SOX6: variants seen among roughly 807,000 people sequenced by gnomAD.
SOX6 encodes the protein SRY-box transcription factor 6.
SOX6 carries 11 observed loss-of-function variants against 97.8 expected under a neutral mutation model. The observed-to-expected ratio is 0.11, with a 90% CI of 0.07 to 0.19. The LOEUF is 0.19. Among genes scored for constraint, SOX6 ranks in the 10% least tolerant of loss-of-function variants. The pLI is 1.00. For synonymous variants in SOX6, 360 were observed against 371.4 expected, an observed-to-expected ratio of 0.97 and a Z score of 0.35; for missense variants, 810 against 1,039.5, an observed-to-expected ratio of 0.78 and a Z score of 3.04.
In SOX6 at chr11:16,560,601, G is replaced by GTTTATACGTACATA. The variant is rs1565180739; in HGVS notation, n.609+51479_609+51480insTATGTACGTATAAA. 5.2e-4 allele frequency among the ~76,000 whole-genome samples: 22 copies of GTTTATACGTACATA among 41,924 alleles called. 4 individuals are homozygous for GTTTATACGTACATA. Among genetic ancestry groups the GTTTATACGTACATA allele is most frequent in the East Asian group, 1.2e-3 (2 of 1,708 alleles). 27.5% of individuals were successfully genotyped at this position (41,924 alleles called of 152,430 possible). A position where few individuals can be genotyped will look rare whatever the true frequency, so the allele number is the denominator to read the frequency against. On this transcript the variant is annotated intron_variant and non_coding_transcript_variant, in intron 4 of 5. Coordinates refer to the SOX6 transcript ENST00000524520. ...CGTACATATATGTTTATACGTACAT[G>GTTTATACGTACATA]TATGTTTATACGTACATATATGTTT...
intron 3 of SOX6, among the ~76,000 whole-genome samples, chr11:16,285,637 G>T (rs1207089923): frequency 6.6e-6 from 1 of 152,010 alleles, no homozygotes; most frequent in African/African-American, 2.4e-5. Context: ...TGCTTAATAT[G>T]CAACAAGAGC....
intron 1 of SOX6, among the ~76,000 whole-genome samples, chr11:16,475,184 A>C (rs1472967257): frequency 6.6e-6 from 1 of 152,206 alleles, no homozygotes; most frequent in Non-Finnish European, 1.5e-5. Context: ...CAGACTGCTC[A>C]AACTTTCTCC....
At chr11:16,682,443 C>G (rs1314514983) in intron 3 of SOX6, among the ~76,000 whole-genome samples, 1 of 152,212 alleles carries the variant, frequency 6.6e-6, no homozygotes, top group African/African-American at 2.4e-5. Flanking sequence ...ATACGCAAAT[C>G]AATAAACATA....
At chr11:16,256,240 A>G (rs1455777823) in intron 3 of SOX6, among the ~76,000 whole-genome samples, 2 of 151,992 alleles carry the variant, frequency 1.3e-5, no homozygotes, top group African/African-American at 2.4e-5. Context: ...AGACAAGGAT[A>G]TTATAAGAAA....
At chr11:16,246,929 C>A (rs1371387625) in intron 3 of SOX6, among the ~76,000 whole-genome samples, 1 of 152,020 alleles carries the variant, frequency 6.6e-6, no homozygotes, top group African/African-American at 2.4e-5. Context: ...CAGTTCTATT[C>A]TTCTAGTTAT....
intron 3 of SOX6, among the ~76,000 whole-genome samples, chr11:16,710,672 C>G (rs1471673102): frequency 1.3e-5 from 2 of 152,154 alleles, no homozygotes; most frequent in Admixed American, 1.3e-4. Flanking sequence ...CAGGCCAGAG[C>G]CATCTGAAAT....
At chr11:16,209,323 G>A (rs115253909) in intron 4 of SOX6, among the ~76,000 whole-genome samples, 1,535 of 152,160 alleles carry the variant, frequency 0.01, 23 homozygotes, top group African/African-American at 0.035. Context: ...ACAACCTAAA[G>A]GTATGAGAAC....
chr11:16,460,421 T>C (rs547054976), intron 1 of SOX6, among the ~76,000 whole-genome samples: 8 of 152,224 alleles, frequency 5.3e-5, no homozygotes, highest in African/African-American at 1.9e-4. Flanking sequence ...GTTCATATTC[T>C]TATAGTGTGA....
chr11:16,559,932 T>A (rs1026655689), intron 4 of SOX6, among the ~76,000 whole-genome samples: 2 of 152,156 alleles, frequency 1.3e-5, no homozygotes, highest in African/African-American at 4.8e-5. Flanking sequence ...CCTATTTTAA[T>A]TAAACCAAAT....
intron 4 of SOX6, among the ~76,000 whole-genome samples, chr11:16,606,628 C>G (rs1848337753): frequency 6.6e-6 from 1 of 152,090 alleles, no homozygotes; most frequent in Non-Finnish European, 1.5e-5. Flanking sequence ...ATTAGAATAC[C>G]AATGCGGGGA....
intron 1 of SOX6, among the ~76,000 whole-genome samples, chr11:16,387,154 T>A (rs1160081870): frequency 2.6e-5 from 4 of 152,178 alleles, no homozygotes; most frequent in African/African-American, 9.6e-5. Flanking sequence ...CATGGAGACC[T>A]GTAAAAACTA....
intron 3 of SOX6, among the ~76,000 whole-genome samples, chr11:16,694,912 C>T (rs1029850387): frequency 1.3e-5 from 2 of 152,142 alleles, no homozygotes; most frequent in East Asian, 3.8e-4. Context: ...AACAGTATAA[C>T]AACTATATAC....
At chr11:16,068,538 T>C (rs567688822) in intron 9 of SOX6, among the ~76,000 whole-genome samples, 6 of 152,338 alleles carry the variant, frequency 3.9e-5, no homozygotes, top group East Asian at 1.9e-4. Context: ...AAGTCCTTTT[T>C]TTCAGCATAG....
chr11:16,427,190 C>A (rs926117226), intron 1 of SOX6, among the ~76,000 whole-genome samples: 2 of 151,920 alleles, frequency 1.3e-5, no homozygotes, highest in African/African-American at 2.4e-5. Context: ...AAGAAGCAAC[C>A]TAAAGAATGG....
chr11:16,203,938 C>A (rs1852005399), intron 4 of SOX6, among the ~76,000 whole-genome samples: 1 of 151,906 alleles, frequency 6.6e-6, no homozygotes, highest in Admixed American at 6.6e-5. Context: ...AACCTATTTT[C>A]TCTGAATTAG....
chr11:16,302,481 G>A (rs914038729), intron 3 of SOX6, among the ~76,000 whole-genome samples: 35 of 150,816 alleles, frequency 2.3e-4, no homozygotes, highest in African/African-American at 7.8e-4. Context: ...AATCTAGCTC[G>A]AATGTCAATA....
chr11:16,290,091 C>A (rs1854867051), intron 3 of SOX6, among the ~76,000 whole-genome samples: 1 of 151,930 alleles, frequency 6.6e-6, no homozygotes, highest in South Asian at 2.1e-4. Flanking sequence ...CGGTTACTAC[C>A]CTCAGAATGG....
At chr11:16,497,806 A>G (rs1860629345) in intron 4 of SOX6, among the ~76,000 whole-genome samples, 1 of 152,236 alleles carries the variant, frequency 6.6e-6, no homozygotes, top group Non-Finnish European at 1.5e-5. Flanking sequence ...TCCAAGAAAT[A>G]TGGGACTATG....
chr11:16,623,178 G>A (rs1053963444), intron 3 of SOX6, among the ~76,000 whole-genome samples: 106 of 151,930 alleles, frequency 7.0e-4, no homozygotes, highest in African/African-American at 2.4e-3. Context: ...GCGCCACCAC[G>A]CCTGACTAAT....
Sources: allele counts gnomAD v4.1 joint callset (sites outside exome capture counted in the v4.1 genomes callset), GRCh38; gene constraint gnomAD v4.1.1; transcripts MANE v1.5; gene names NCBI Gene and HGNC (gene_info 2026-07-23, HGNC 2026-07-21).